The following RNF123 variants were observed in gnomAD, a reference collection of about 807,000 sequenced individuals.
The protein encoded by RNF123 is E3 ubiquitin-protein ligase RNF123.
In RNF123, 86 loss-of-function variants were observed where a neutral mutation model predicts 168.5. The ratio of observed to expected loss-of-function variants is 0.51; its 90% CI spans 0.43 to 0.61. RNF123 has a LOEUF of 0.61. Ranked by LOEUF, RNF123 falls within the 20% of genes least tolerant of loss-of-function variation. The pLI is 0.00. For missense variants in RNF123, 1,419 were observed against 1,729.7 expected, an observed-to-expected ratio of 0.82 and a Z score of 3.19; for synonymous variants, 666 against 689.1, an observed-to-expected ratio of 0.97 and a Z score of 0.52.
intron 15 of RNF123, 92 bp downstream of exon 15, chr3:49,700,801 C>T: frequency 2.2e-6 from 3 of 1,350,418 alleles, no homozygotes; most frequent in South Asian, 2.3e-5. Flanking sequence ...GGCCAGGGGT[C>T]CCCTGGGAGC....
At position 49,703,457 on chromosome 3, in the gene RNF123, A is replaced by G; in HGVS notation, c.1781A>G (p.Asn594Ser). Residue 594 changes from asparagine to serine, a missense_variant, in exon 21 of 39, where the codon AAT (asparagine) becomes AGT (serine). Asn to Ser is a conservative substitution (Grantham distance 46). Around this residue, in one of 5 missense-constraint regions of RNF123, gnomAD observed 349 missense variants for 344.9 expected, o/e 1.01. Transcript: ENST00000327697. The stretch of plus-strand genomic sequence containing the variant: ...TACATCCCGCCCCAGGTCTTCTATA[A>G]TGGCAAGGTGGACTACTTTGACCTG... ...EAYIPPQVFY[N>S]GKVDYFDLQR... The G allele has an allele frequency of 3.1e-6, 5 of 1,613,902 alleles. No individual in the cohort carries two copies. The highest frequency in any genetic ancestry group is 2.5e-6 in the Non-Finnish European group (3 of 1,179,932).
At chr3:49,714,254 C>T in intron 31 of RNF123, 80 bp downstream of exon 31, 5 of 1,255,206 alleles carry the variant, frequency 4.0e-6, no homozygotes, top group South Asian at 2.4e-5. Context: ...TTCAGACTCT[C>T]CACTTCTTCC....
intron 26 of RNF123, among the ~76,000 whole-genome samples, chr3:49,712,183 G>A (rs75277930): frequency 0.02 from 3,047 of 151,090 alleles, 44 homozygotes; most frequent in Non-Finnish European, 0.032. Flanking sequence ...CCAAGAGGGC[G>A]TCACTGCACT....
intron 3 of RNF123, among the ~76,000 whole-genome samples, chr3:49,692,971 C>G (rs2054197583): frequency 6.6e-6 from 1 of 151,516 alleles, no homozygotes; most frequent in Non-Finnish European, 1.5e-5. Flanking sequence ...ACTGATTTCC[C>G]TTCTTTCAGG....
chr3:49,712,535 C>A lies in RNF123; in HGVS notation c.2553C>A (p.His851Gln). 1 of 1,614,220 alleles carries A rather than the reference C, an allele frequency of 6.2e-7. No homozygotes were observed. The highest frequency in any genetic ancestry group is 8.5e-7 in the Non-Finnish European group (1 of 1,180,044). The part of the protein sequence containing the change: ...LLRVCLRTIE[H>Q]GDRTGSLFAF... ...GCGTCTGCCTGCGGACCATTGAGCA[C>A]GGTGATCGCACAGGGTCTCTCTTTG... is the stretch of plus-strand genomic sequence containing the variant. Residue 851 changes from histidine to glutamine, a missense_variant, in exon 27 of 39, where the codon CAC becomes CAA. By Grantham distance (24) the His-to-Gln change is conservative. Transcript: ENST00000327697.
At chr3:49,720,409 G>T (rs2080375059) in intron 35 of RNF123, 102 bp from the exon 36 acceptor site, 1 of 1,200,280 alleles carries the variant, frequency 8.3e-7, no homozygotes, top group South Asian at 2.0e-5. Context: ...TGCAGGGGGG[G>T]TGATCATGTA....
At position 49,702,730 on chromosome 3, in the gene RNF123, A is replaced by T. The variant is rs772949571; in HGVS notation, c.1727A>T (p.Asn576Ile). The T allele has an allele frequency of 3.1e-6, 5 of 1,614,056 alleles. No individual in the cohort carries two copies. The South Asian group carries it at 5.5e-5, about 18-fold the overall frequency. Residue 576 changes from asparagine to isoleucine, a missense_variant, in exon 20 of 39, where the codon AAT (asparagine) becomes ATT (isoleucine). Physicochemically the swap from Asn to Ile is moderately radical, Grantham distance 149. Transcript: ENST00000327697. ...RYYWDEYKAS[N>I]PHASFSEEAY... ...TATTGGGATGAATACAAGGCTTCCA[A>T]TCCTCATGCTTCCTTCAGTGAGGGT...
rs1375153912 is a variant in RNF123 at position 49,720,537 on chromosome 3, T to C, written c.3527T>C (p.Leu1176Pro). 5.0e-6 allele frequency: 8 copies of C among 1,606,108 alleles called. No homozygotes were observed. Among genetic ancestry groups the C allele is most frequent in the Non-Finnish European group, 6.0e-6 (7 of 1,175,250 alleles). ...AGAGAGCAAGCCACATCAGTGCTCCTGGCAGATCCCTGCTTCCAGCTACGC... is the reference window on the plus strand; with the variant it reads ...AGAGAGCAAGCCACATCAGTGCTCCCGGCAGATCCCTGCTTCCAGCTACGC... ...SEREQATSVLLADPCFQLRSI... is the reference protein window; with the variant it reads ...SEREQATSVLPADPCFQLRSI... Residue 1176 changes from leucine to proline, a missense_variant, in exon 36 of 39, where the codon CTG becomes CCG. Physicochemically the swap from Leu to Pro is moderately conservative, Grantham distance 98. Around this residue, in one of 5 missense-constraint regions of RNF123, gnomAD observed 164 missense variants for 152.3 expected, o/e 1.08. Coordinates refer to ENST00000327697, the MANE Select transcript of RNF123 (RefSeq NM_022064.5).
rs1281663943 is a variant in RNF123, at chr3:49,698,811, G to A, written c.627G>A (p.Leu209=). 6.2e-7 allele frequency: 1 copy of A among 1,613,956 alleles called. No individual in the cohort carries two copies. The highest frequency in any genetic ancestry group is 8.5e-7 in the Non-Finnish European group (1 of 1,179,946). ...TGATTGACCTGGATGATGGCACTCT[G>A]TCCTTCTGCCTGTGAGTTTCCTATC... is the stretch of plus-strand genomic sequence containing the variant. ...SCLIDLDDGT[L]SFCLNGVSLG... is the part of the protein sequence containing the mutation. The change falls in exon 9 of 39, where the codon CTG becomes CTA. Residue 209 remains leucine, a synonymous_variant. Transcript: ENST00000327697.
At position 49,699,611 on chromosome 3, in the gene RNF123, G is replaced by T. The variant is rs577727579; in HGVS notation, c.879+29G>T. The T allele has an allele frequency of 4.3e-6, 7 of 1,611,910 alleles. No individual in the cohort carries two copies. Among genetic ancestry groups the T allele is most frequent in the South Asian group, 1.1e-5 (1 of 91,032 alleles). On this transcript the variant is annotated intron_variant, in intron 11 of 38. Transcript: ENST00000327697. This position sits in a 1 kb window ranked among gnomAD's most constrained non-coding sequence, Gnocchi z 4.8. ...AGCTGGGGTCTGGGCCAGGCGGGGT[G>T]GGGGGCTTCCACAGCCTCCTGCCCC...
chr3:49,716,167 A>G lies in RNF123; in HGVS notation c.3405A>G (p.Leu1135=), dbSNP rs1364303782. The change falls in exon 34 of 39, where the codon CTA becomes CTG. Residue 1135 remains leucine, a synonymous_variant. Coordinates refer to ENST00000327697, the MANE Select transcript of RNF123 (RefSeq NM_022064.5). ...ACCTGTTTGATCGTGTGGTCACCCT[A>G]CGGCTGCCTGGTGAGGACCTAGATG... ...ERNLFDRVVT[L]RLPGLESVDH... The G allele has an allele frequency of 6.2e-7, 1 of 1,613,538 alleles. No individual in the cohort carries two copies. The highest frequency in any genetic ancestry group is 1.7e-5 in the Admixed American group (1 of 59,976).
At position 49,698,463 on chromosome 3, in the gene RNF123, C is replaced by T. The variant is rs1410727160; in HGVS notation, c.507C>T (p.Asn169=). 1.9e-6 allele frequency: 3 copies of T among 1,613,948 alleles called. No individual in the cohort carries two copies. Among genetic ancestry groups the T allele is most frequent in the African/African-American group, 1.3e-5 (1 of 75,056 alleles). ...NQEEGVGDTH[N]SYAYDGNRVR... ...AGGAGGGGGTTGGAGATACACACAA[C>T]TCCTATGCCTATGATGGCAACCGCG... The change falls in exon 8 of 39, where the codon AAC becomes AAT. Residue 169 remains asparagine, a synonymous_variant. Coordinates refer to ENST00000327697, the MANE Select transcript of RNF123 (RefSeq NM_022064.5).
At chr3:49,718,527 C>T (rs1229638190) in intron 35 of RNF123, 2 of 1,613,154 alleles carry the variant, frequency 1.2e-6, no homozygotes, top group South Asian at 2.2e-5. Context: ...CCTGCTGCGG[C>T]GAAACCCAGG....
rs908826364 is a variant in RNF123 at position 49,703,466 on chromosome 3, T to C, written c.1790T>C (p.Val597Ala). 1 of 1,614,082 alleles carries C rather than the reference T, an allele frequency of 6.2e-7. No homozygotes were observed. The highest frequency in any genetic ancestry group is 2.2e-5 in the East Asian group (1 of 44,876). The change falls in exon 21 of 39, where the codon GTG (valine) becomes GCG (alanine). Residue 597 changes from valine (V) to alanine (A), a missense_variant. Around this residue, in one of 5 missense-constraint regions of RNF123, gnomAD observed 349 missense variants for 344.9 expected, o/e 1.01. Coordinates refer to ENST00000327697, the MANE Select transcript of RNF123 (RefSeq NM_022064.5). ...IPPQVFYNGK[V>A]DYFDLQRLGG... ...CCCCAGGTCTTCTATAATGGCAAGGTGGACTACTTTGACCTGCAGCGCCTG... is the reference window on the plus strand; with the variant it reads ...CCCCAGGTCTTCTATAATGGCAAGGCGGACTACTTTGACCTGCAGCGCCTG...
intron 37 of RNF123, 47 bp downstream of exon 37, chr3:49,720,941 G>A (rs1438751309): frequency 6.2e-7 from 1 of 1,610,228 alleles, no homozygotes; most frequent in Admixed American, 1.7e-5. Flanking sequence ...GAATATGTGT[G>A]CACTCCTACA....
At chr3:49,691,691 C>T (rs1469547142) in intron 3 of RNF123, among the ~76,000 whole-genome samples, 182 bp downstream of exon 3, 1 of 152,250 alleles carries the variant, frequency 6.6e-6, no homozygotes, top group Non-Finnish European at 1.5e-5. Flanking sequence ...TTCTTCCTGT[C>T]TCCAGGCAGT....
chr3:49,690,385 G>A (rs2054121016), intron 1 of RNF123, among the ~76,000 whole-genome samples: 1 of 152,254 alleles, frequency 6.6e-6, no homozygotes, highest in African/African-American at 2.4e-5. Context: ...TCATGTGGAT[G>A]ACGGCTGCTG....
At chr3:49,690,297 T>G (rs2054117931) in intron 1 of RNF123, among the ~76,000 whole-genome samples, 1 of 152,232 alleles carries the variant, frequency 6.6e-6, no homozygotes, top group African/African-American at 2.4e-5. Context: ...CCACATGTGG[T>G]CATTGAACTC....
At position 49,716,458 on chromosome 3, in the gene RNF123, G is replaced by A; in HGVS notation, c.3481G>A (p.Val1161Met). ...GACGGGCATCCTGGTGCAGCTCCTG[G>A]TGCGTGGCCCAGCCTCAGAGTGAGT... The part of the protein sequence containing the change: ...AVTGILVQLL[V>M]RGPASEREQA... Residue 1161 changes from valine (V) to methionine (M), a missense_variant, in exon 35 of 39, where the codon GTG becomes ATG. Coordinates refer to ENST00000327697, the MANE Select transcript of RNF123 (RefSeq NM_022064.5). The A allele has an allele frequency of 6.2e-7, 1 of 1,614,098 alleles. No individual in the cohort carries two copies. The highest frequency in any genetic ancestry group is 8.5e-7 in the Non-Finnish European group (1 of 1,179,990).
Sources: gnomAD v4.1 joint callset for allele counts (sites outside exome capture counted in the v4.1 genomes callset) on GRCh38, gnomAD v4.1.1 for gene constraint, gnomAD v4.1.1 regional missense constraint, Gnocchi (gnomAD v3.1) non-coding constraint, MANE v1.5 for transcripts, NCBI Gene and HGNC (gene_info 2026-07-23, HGNC 2026-07-21) for gene names.